TMEM39A: variants seen among roughly 807,000 people sequenced by gnomAD.
TMEM39A encodes suppressor of SQST-1 aggregates in rpl-43 mutants.
In TMEM39A, 19 loss-of-function variants were observed where a neutral mutation model predicts 51.9. The observed-to-expected ratio is 0.37, with a 90% CI of 0.26 to 0.54. TMEM39A has a LOEUF of 0.54. Among genes scored for constraint, TMEM39A ranks in the 20% least tolerant of loss-of-function variants. The pLI, the probability that TMEM39A is intolerant of heterozygous loss-of-function variation, is 0.88. For missense variants in TMEM39A, 433 were observed against 590.5 expected, an observed-to-expected ratio of 0.73 and a Z score of 2.76; for synonymous variants, 197 against 220.2, an observed-to-expected ratio of 0.89 and a Z score of 0.93.
At chr3:119,446,820 T>C in intron 5 of TMEM39A, 198 bp downstream of exon 5, 1 of 602,528 alleles carries the variant, frequency 1.7e-6, no homozygotes, top group African/African-American at 1.9e-5. Context: ...AGGACAGTCC[T>C]GGTTTATGCC....
chr3:119,455,844 A>G (rs1397748298), intron 3 of TMEM39A, among the ~76,000 whole-genome samples: 1 of 152,208 alleles, frequency 6.6e-6, no homozygotes, highest in African/African-American at 2.4e-5. Flanking sequence ...AAATTTTATA[A>G]TGAACTACCC....
At chr3:119,439,772 AT>A (rs936922953) in intron 5 of TMEM39A, among the ~76,000 whole-genome samples, 164 of 144,664 alleles carry the variant, frequency 1.1e-3, no homozygotes, top group Admixed American at 9.7e-4. Context: ...ATTAATTCTA[AT>A]TTTTTTTTTT....
intron 7 of TMEM39A, chr3:119,435,744 C>T: frequency 9.7e-7 from 1 of 1,029,754 alleles, no homozygotes; most frequent in Non-Finnish European, 1.2e-6. Context: ...ACCGGCCTTG[C>T]TCACACTTAC....
At position 119,447,152 on chromosome 3, in the gene TMEM39A, T is replaced by C. The variant is rs144201012; in HGVS notation, c.441A>G (p.Ala147=). ...LISEATKAGA[A]SMIHYMVLIS... ...TCAGAACCATGTAGTGAATCATTGA[T>C]GCTGCACCTGCCTTAGTAGCCTGAA... Residue 147 remains alanine, a synonymous_variant, in exon 5 of 9, where the codon GCA becomes GCG. Coordinates refer to ENST00000319172, the MANE Select transcript of TMEM39A (RefSeq NM_018266.3). 1.4e-5 allele frequency: 22 copies of C among 1,613,082 alleles called. No individual in the cohort carries two copies. Among genetic ancestry groups the C allele is most frequent in the Non-Finnish European group, 1.6e-5 (19 of 1,179,706 alleles).
chr3:119,448,482 T>A (rs906671556), intron 4 of TMEM39A, among the ~76,000 whole-genome samples: 9 of 152,218 alleles, frequency 5.9e-5, no homozygotes, highest in Non-Finnish European at 1.2e-4. Flanking sequence ...GGAGTACCTA[T>A]AACATATACG....
At chr3:119,438,306 A>C (rs920369746) in intron 5 of TMEM39A, among the ~76,000 whole-genome samples, 1 of 152,232 alleles carries the variant, frequency 6.6e-6, no homozygotes, top group Non-Finnish European at 1.5e-5. Context: ...GTGCACATTC[A>C]TTGTAGATTA....
rs906252964 is a variant in TMEM39A, at chr3:119,429,531, C to T, written c.*2450G>A. The T allele has an allele frequency of 6.6e-6, 1 of 152,124 alleles. No homozygotes were observed. Among genetic ancestry groups the T allele is most frequent in the Non-Finnish European group, 1.5e-5 (1 of 68,008 alleles). 9.4% of individuals were successfully genotyped at this position (152,124 alleles called of 1,614,324 possible). A position where few individuals can be genotyped will look rare whatever the true frequency, so the allele number is the denominator to read the frequency against. On this transcript the variant is annotated 3_prime_UTR_variant, in exon 9 of 9. Coordinates refer to ENST00000319172, the MANE Select transcript of TMEM39A (RefSeq NM_018266.3). ...AAAAGGTCATTCTTTAATGATTACACATTTTTCTACTATCAGTGAGCAAAT... is the reference window on the plus strand; with the variant it reads ...AAAAGGTCATTCTTTAATGATTACATATTTTTCTACTATCAGTGAGCAAAT...
At chr3:119,455,557 T>C (rs2081253425) in intron 3 of TMEM39A, among the ~76,000 whole-genome samples, 1 of 152,150 alleles carries the variant, frequency 6.6e-6, no homozygotes, top group Admixed American at 6.6e-5. Flanking sequence ...CATATAAAAC[T>C]TGAATAGAAG....
intron 1 of TMEM39A, among the ~76,000 whole-genome samples, chr3:119,462,526 G>C (rs1294833031): frequency 6.6e-6 from 1 of 151,194 alleles, no homozygotes; most frequent in African/African-American, 2.4e-5. Context: ...AAAACATTAG[G>C]TTTTGTTATC....
In TMEM39A at chr3:119,453,473, G is replaced by C. The variant is rs550330179; in HGVS notation, c.337-943C>G. Reference sequence around the variant, plus strand: ...TTAACTAGGCACTGACTCCTAGCCAGCTAAAGGTTCATTTTCCAGCCTCCC... The same window carrying C: ...TTAACTAGGCACTGACTCCTAGCCACCTAAAGGTTCATTTTCCAGCCTCCC... On this transcript the variant is annotated intron_variant, in intron 3 of 8. Coordinates refer to ENST00000319172, the MANE Select transcript of TMEM39A (RefSeq NM_018266.3). Among the ~76,000 whole-genome samples the C allele has an allele frequency of 1.2e-4, 19 of 152,318 alleles. No individual in the cohort carries two copies. The South Asian group carries it at 3.5e-3, about 28-fold the overall frequency.
intron 7 of TMEM39A, chr3:119,435,372 A>G (rs1281928625): frequency 1.4e-4 from 138 of 985,280 alleles, no homozygotes; most frequent in Non-Finnish European, 1.6e-4. Context: ...TGCTTATCAC[A>G]CAATTCAAAT....
At chr3:119,439,421 T>TAATACAAA (rs1385700931) in intron 5 of TMEM39A, among the ~76,000 whole-genome samples, 1 of 151,640 alleles carries the variant, frequency 6.6e-6, no homozygotes, top group Admixed American at 6.6e-5. Context: ...TCTCTACTAA[T>TAATACAAA]AATACAAAAA....
chr3:119,459,137 G>C, intron 2 of TMEM39A, among the ~76,000 whole-genome samples: 1 of 152,166 alleles, frequency 6.6e-6, no homozygotes, highest in East Asian at 1.9e-4. Flanking sequence ...CTACTCTTAG[G>C]AAGGCCTGCT....
chr3:119,447,231 GT>G (rs2081139753), intron 4 of TMEM39A, 59 bp from the exon 5 acceptor site: 8 of 1,551,612 alleles, frequency 5.2e-6, no homozygotes, highest in Non-Finnish European at 7.0e-6. Context: ...CAAAAGCATT[GT>G]AATTCAAGTA....
At chr3:119,443,975 T>C (rs749422696) in intron 5 of TMEM39A, among the ~76,000 whole-genome samples, 4 of 152,196 alleles carry the variant, frequency 2.6e-5, no homozygotes, top group Admixed American at 6.5e-5. Flanking sequence ...TCATATGCAC[T>C]AGGAAATCAA....
intron 3 of TMEM39A, among the ~76,000 whole-genome samples, chr3:119,456,005 T>C (rs571479108): frequency 6.6e-6 from 1 of 152,186 alleles, no homozygotes; most frequent in African/African-American, 2.4e-5. Context: ...CATATAATGG[T>C]ACCTACCCAT....
At chr3:119,460,027 CAAGAAAGAAATATA>C (rs1423482078) in intron 2 of TMEM39A, among the ~76,000 whole-genome samples, 5 of 152,016 alleles carry the variant, frequency 3.3e-5, no homozygotes, top group Non-Finnish European at 5.9e-5. Flanking sequence ...TGCTTCCCAC[CAAGAAAGAAATATA>C]AAGCTTTCTT....
intron 4 of TMEM39A, chr3:119,451,084 A>C: frequency 3.2e-6 from 1 of 314,346 alleles, no homozygotes; most frequent in Non-Finnish European, 5.4e-6. Flanking sequence ...AGATCCTCTA[A>C]AGAAAGAACA....
At position 119,451,628 on chromosome 3, in the gene TMEM39A, C is replaced by T. The variant is rs183697259; in HGVS notation, c.420+819G>A. The stretch of plus-strand genomic sequence containing the variant: ...GGTGGATCACCTGAGGTCGGGAGTT[C>T]GAGACCAGCCTGACCGACATGGAGA... On this transcript the variant is annotated intron_variant, in intron 4 of 8. Transcript: ENST00000319172. 8.0e-3 allele frequency among the ~76,000 whole-genome samples: 1,214 copies of T among 152,012 alleles called. 22 individuals are homozygous for T. The highest frequency in any genetic ancestry group is 0.072 in the South Asian group (344 of 4,806).
Sources: gnomAD v4.1 joint callset for allele counts (sites outside exome capture counted in the v4.1 genomes callset) on GRCh38, gnomAD v4.1.1 for gene constraint, MANE v1.5 for transcripts, NCBI Gene and HGNC (gene_info 2026-07-23, HGNC 2026-07-21) for gene names.